CCDC7: variants seen among roughly 807,000 people sequenced by gnomAD.
CCDC7 encodes the protein coiled-coil domain containing 7, also known as coiled-coil domain-containing protein 7.
In CCDC7, 183 loss-of-function variants were observed where a neutral mutation model predicts 196.9. That is an observed-to-expected ratio of 0.93 (90% CI 0.82 to 1.05). The LOEUF (loss-of-function observed/expected upper bound fraction) is 1.05, where lower values mean the gene tolerates loss of function less well. Among genes scored for constraint, CCDC7 ranks in the 50% least tolerant of loss-of-function variants. The pLI, the probability that CCDC7 is intolerant of heterozygous loss-of-function variation, is 0.00. For synonymous variants in CCDC7, 525 were observed against 484.6 expected (o/e 1.08, Z -1.10); for missense variants, 1,540 against 1,482.2 (o/e 1.04, Z -0.64).
chr10:32,499,847 C>T (rs979090333), intron 9 of CCDC7, among the ~76,000 whole-genome samples: 45 of 152,116 alleles, frequency 3.0e-4, no homozygotes, highest in African/African-American at 1.0e-3. Context: ...TAACAAAGCA[C>T]ATCTTGCACC....
chr10:32,770,084 T>G (rs2078938062), intron 28 of CCDC7, among the ~76,000 whole-genome samples: 1 of 152,228 alleles, frequency 6.6e-6, no homozygotes, highest in African/African-American at 2.4e-5. Flanking sequence ...TGAACTAATT[T>G]ACATTGTATT....
intron 5 of CCDC7, among the ~76,000 whole-genome samples, chr10:32,466,476 A>T (rs1019840466): frequency 3.3e-4 from 50 of 152,048 alleles, no homozygotes; most frequent in African/African-American, 1.1e-3. Flanking sequence ...CTTTGTGTTC[A>T]TGAGTTCTCA....
At chr10:32,698,260 AGTT>A (rs2141418912) in intron 24 of CCDC7, among the ~76,000 whole-genome samples, 1 of 152,348 alleles carries the variant, frequency 6.6e-6, no homozygotes, top group Non-Finnish European at 1.5e-5. Flanking sequence ...AGAGCAGAAA[AGTT>A]GAAAATTCTA....
In CCDC7 at chr10:32,798,147, C is replaced by T. The variant is rs150913692; in HGVS notation, c.3014-6868C>T. On this transcript the variant is annotated intron_variant, in intron 29 of 41. Coordinates refer to ENST00000639629, the Ensembl canonical transcript of CCDC7. ...CATAGGCAAACGCATAACTGGAGTA[C>T]GTGTCTATTCTGGTGAGGACAAACC... Among the ~76,000 whole-genome samples, 136 of 152,256 alleles carry T rather than the reference C, an allele frequency of 8.9e-4. 1 individual carries two copies. The highest frequency in any genetic ancestry group is 2.9e-3 in the African/African-American group (122 of 41,554).
intron 9 of CCDC7, chr10:32,513,957 C>T (rs1477378932): frequency 6.6e-6 from 1 of 152,010 alleles, no homozygotes; most frequent in Non-Finnish European, 1.5e-5. Context: ...CACTTCTATT[C>T]ATCATTATAG....
At position 32,509,516 on chromosome 10, in the gene CCDC7, C is replaced by CAA. The variant is rs35897485; in HGVS notation, c.873-8416_873-8415dup. On this transcript the variant is annotated intron_variant, in intron 9 of 41. Coordinates refer to ENST00000639629, the Ensembl canonical transcript of CCDC7. ...GCAATGATTTTTTTGGACATTACAC[C>CAA]AAAAAAAAAAAAAACAGGAAAAAAA... Among the ~76,000 whole-genome samples the CAA allele has an allele frequency of 3.7e-3, 511 of 139,396 alleles. 2 individuals are homozygous for CAA. Among genetic ancestry groups the CAA allele is most frequent in the Non-Finnish European group, 3.7e-3 (244 of 65,152 alleles). 91.4% of individuals were successfully genotyped at this position (139,396 alleles called of 152,430 possible). A position where few individuals can be genotyped will look rare whatever the true frequency, so the allele number is the denominator to read the frequency against.
At chr10:32,732,026 G>C (rs1032508273) in intron 28 of CCDC7, among the ~76,000 whole-genome samples, 4 of 152,034 alleles carry the variant, frequency 2.6e-5, no homozygotes, top group Non-Finnish European at 4.4e-5. Context: ...ACTCCAGCCT[G>C]GGCAACAGAG....
intron 18 of CCDC7, among the ~76,000 whole-genome samples, chr10:32,629,599 A>G (rs1361646901): frequency 1.3e-5 from 2 of 152,110 alleles, no homozygotes; most frequent in Non-Finnish European, 2.9e-5. Context: ...AGCAAGCAGA[A>G]GTCTCACACC....
At position 32,453,329 on chromosome 10, in the gene CCDC7, A is replaced by AT. The variant is rs554393719; in HGVS notation, c.280-5dup. ...CTATTAAAGTATCTAATTGGCTTTT[A>AT]TTTTTTTTTTACAGGTTGTTTCCAC... On this transcript the variant is annotated splice_polypyrimidine_tract_variant and intron_variant, in intron 1 of 41. Coordinates refer to ENST00000639629, the Ensembl canonical transcript of CCDC7. 5,527 of 1,182,450 alleles carry AT rather than the reference A, an allele frequency of 4.7e-3. No individual in the cohort carries two copies. Among genetic ancestry groups the AT allele is most frequent in the South Asian group, 0.011 (552 of 50,904 alleles). 73.2% of individuals were successfully genotyped at this position (1,182,450 alleles called of 1,614,324 possible).
At chr10:32,505,567 C>T (rs867769338) in intron 9 of CCDC7, among the ~76,000 whole-genome samples, 3 of 152,108 alleles carry the variant, frequency 2.0e-5, no homozygotes, top group African/African-American at 7.2e-5. Context: ...ATGGAGTCTC[C>T]TATGTCTACT....
chr10:32,598,169 G>C (rs1047417144), intron 18 of CCDC7, among the ~76,000 whole-genome samples: 13 of 152,148 alleles, frequency 8.5e-5, no homozygotes, highest in African/African-American at 2.9e-4. Context: ...GGAGCTTCCT[G>C]GCGGCTTTGT....
At chr10:32,554,056 T>C (rs1483390655) in intron 13 of CCDC7, among the ~76,000 whole-genome samples, 1 of 152,102 alleles carries the variant, frequency 6.6e-6, no homozygotes, top group Non-Finnish European at 1.5e-5. Flanking sequence ...CTAGGAGGGT[T>C]ATGGCTGCCT....
intron 41 of CCDC7, among the ~76,000 whole-genome samples, chr10:32,863,147 A>G (rs1432979048): frequency 6.6e-6 from 1 of 151,832 alleles, no homozygotes; most frequent in Non-Finnish European, 1.5e-5. Flanking sequence ...ATAGAAAACA[A>G]TCCTAAAATT....
At position 32,564,119 on chromosome 10, in the gene CCDC7, TAGAATGGCAATC is replaced by T. The variant is rs1319224066; in HGVS notation, c.1135-1437_1135-1426del. On this transcript the variant is annotated intron_variant, in intron 13 of 41. Coordinates refer to ENST00000639629, the Ensembl canonical transcript of CCDC7. The stretch of plus-strand genomic sequence containing the variant: ...CAATGAGATACCATCTCACACCAGT[TAGAATGGCAATC>T]ATTAAGAAGTCAGGAAACAACAGGT... 3.9e-5 allele frequency among the ~76,000 whole-genome samples: 6 copies of T among 152,278 alleles called. No homozygotes were observed. In the East Asian group the frequency reaches 9.6e-4, roughly 24 times the overall value.
chr10:32,733,644 C>A (rs1256170055), intron 28 of CCDC7, among the ~76,000 whole-genome samples: 1 of 112,130 alleles, frequency 8.9e-6, no homozygotes, highest in Non-Finnish European at 1.8e-5. Context: ...TCAGTTCTTA[C>A]TTTTTTCATT....
intron 25 of CCDC7, among the ~76,000 whole-genome samples, chr10:32,718,928 C>T (rs1270100381): frequency 5.3e-5 from 8 of 152,114 alleles, no homozygotes; most frequent in African/African-American, 9.7e-5. Context: ...TAATCAAGAT[C>T]GTGAAAATGG....
intron 21 of CCDC7, among the ~76,000 whole-genome samples, 182 bp from the exon 23 acceptor site, chr10:32,685,788 A>C (rs2076397958): frequency 6.6e-6 from 1 of 152,212 alleles, no homozygotes; most frequent in African/African-American, 2.4e-5. Flanking sequence ...AAGCATCAAC[A>C]TACAGCCATT....
In CCDC7 at chr10:32,852,521, C is replaced by T. The variant is rs559263102; in HGVS notation, c.4021+589C>T. On this transcript the variant is annotated intron_variant, in intron 40 of 41. Coordinates refer to ENST00000639629, the Ensembl canonical transcript of CCDC7. The stretch of plus-strand genomic sequence containing the variant: ...TTTTATAAACGGAGTCTTGCTCTGT[C>T]GCCCAGGCTGGAGTGCAGTGGCATG... Among the ~76,000 whole-genome samples, 113 of 152,144 alleles carry T rather than the reference C, an allele frequency of 7.4e-4. No individual in the cohort carries two copies. In the Middle Eastern group the frequency reaches 0.014, roughly 18 times the overall value.
At chr10:32,570,107 A>G (rs1467069233) in intron 15 of CCDC7, among the ~76,000 whole-genome samples, 1 of 152,150 alleles carries the variant, frequency 6.6e-6, no homozygotes, top group Admixed American at 6.5e-5. Context: ...TTCTGTTTCA[A>G]TGGGCTTCAA....
Sources: allele counts gnomAD v4.1 joint callset (sites outside exome capture counted in the v4.1 genomes callset), GRCh38; gene constraint gnomAD v4.1.1; transcripts MANE v1.5; gene names NCBI Gene and HGNC (gene_info 2026-07-23, HGNC 2026-07-21).